Variants in LZTS3 observed in about 807,000 individuals in gnomAD.
The protein encoded by LZTS3 is leucine zipper putative tumor suppressor 3.
Under a neutral mutation model 50.9 loss-of-function variants are expected in LZTS3, and 16 were observed. The observed-to-expected ratio is 0.31, with a 90% CI of 0.21 to 0.48. LZTS3 has a LOEUF of 0.48. Among genes scored for constraint, LZTS3 ranks in the 20% least tolerant of loss-of-function variants. The pLI is 0.99. For synonymous variants in LZTS3, 408 were observed against 410.6 expected, an observed-to-expected ratio of 0.99 and a Z score of 0.08; for missense variants, 816 against 931.0, an observed-to-expected ratio of 0.88 and a Z score of 1.61.
chr20:3,166,483 G>T lies in LZTS3; in HGVS notation c.460-123C>A, dbSNP rs1285034471. On this transcript the variant is annotated intron_variant, in intron 3 of 4. Coordinates refer to ENST00000337576, the MANE Select transcript of LZTS3 (RefSeq NM_001365618.1). Reference sequence around the variant, plus strand: ...ACCCCTACTGGATTTCCACCCTGAGGTTCCCCATCCGGGGTTCTACCTCAT... The same window carrying T: ...ACCCCTACTGGATTTCCACCCTGAGTTTCCCCATCCGGGGTTCTACCTCAT... The T allele has an allele frequency of 3.8e-6, 5 of 1,307,710 alleles. No individual in the cohort carries two copies. The Admixed American group carries it at 1.4e-4, about 36-fold the overall frequency. 81.0% of individuals were successfully genotyped at this position (1,307,710 alleles called of 1,614,324 possible).
At chr20:3,172,840 G>A (rs375288883) in intron 1 of LZTS3, among the ~76,000 whole-genome samples, 1 of 152,210 alleles carries the variant, frequency 6.6e-6, no homozygotes. Context: ...GGCACTGCAG[G>A]GCTTTTGGGG....
chr20:3,170,877 C>A (rs1364849541), intron 1 of LZTS3, among the ~76,000 whole-genome samples: 1 of 152,176 alleles, frequency 6.6e-6, no homozygotes, highest in African/African-American at 2.4e-5. Context: ...AAAGACATGG[C>A]AGAGTTCCTG....
chr20:3,166,331 G>A lies in LZTS3; in HGVS notation c.489C>T (p.Ala163=). The A allele has an allele frequency of 1.2e-6, 2 of 1,612,204 alleles. No individual in the cohort carries two copies. Among genetic ancestry groups the A allele is most frequent in the Non-Finnish European group, 8.5e-7 (1 of 1,178,972 alleles). ...QCSEPLVRPS[A]FKPVVPKNFH... ...AATTCTTGGGTACGACAGGCTTGAA[G>A]GCCGACGGCCGAACTAGTGGTTCTG... Residue 163 remains alanine, a synonymous_variant, in exon 4 of 5, where the codon GCC becomes GCT. Coordinates refer to ENST00000337576, the MANE Select transcript of LZTS3 (RefSeq NM_001365618.1).
intron 1 of LZTS3, among the ~76,000 whole-genome samples, chr20:3,171,053 G>A (rs1173894209): frequency 6.6e-6 from 1 of 152,158 alleles, no homozygotes; most frequent in East Asian, 1.9e-4. Flanking sequence ...CCAGATACCT[G>A]GATCTGGGCA....
intron 1 of LZTS3, among the ~76,000 whole-genome samples, chr20:3,171,463 T>G (rs1167721157): frequency 6.6e-6 from 1 of 152,094 alleles, no homozygotes; most frequent in African/African-American, 2.4e-5. Context: ...GCCCTGCCCC[T>G]TGTCTCTCCC....
rs1390969700 is a variant in LZTS3, at chr20:3,164,223, C to T, written c.*231G>A. 1 of 446,818 alleles carries T rather than the reference C, an allele frequency of 2.2e-6. No homozygotes were observed. Among genetic ancestry groups the T allele is most frequent in the Non-Finnish European group, 3.9e-6 (1 of 259,496 alleles). The allele number at this position is 446,818 out of a possible 1,614,324, so 27.7% of individuals were successfully genotyped here. On this transcript the variant is annotated 3_prime_UTR_variant, in exon 5 of 5. Transcript: ENST00000337576. ...ACCACCTAGGATTGCCCCCACTCAC[C>T]CTGCCCTCCTCCTATTCCCTCCTTT...
rs775005792 is a variant in LZTS3 at position 3,165,878 on chromosome 20, C to T, written c.942G>A (p.Pro314=). The change falls in exon 4 of 5, where the codon CCG becomes CCA. Residue 314 remains proline (P), a synonymous_variant. Coordinates refer to ENST00000337576, the MANE Select transcript of LZTS3 (RefSeq NM_001365618.1). This position sits in a 1 kb window ranked among gnomAD's most constrained non-coding sequence, Gnocchi z 5.0. ...CCTGGATGAGTGCACTGGGGGAGGG[C>T]GGTGAGCAGGCCGCGAAAGGCAGGC... ...GGGLPFAACS[P]PSPSALIQEL... is the part of the protein sequence containing the mutation. 5.1e-5 allele frequency: 82 copies of T among 1,606,400 alleles called. No individual in the cohort carries two copies. Among genetic ancestry groups the T allele is most frequent in the Non-Finnish European group, 6.4e-5 (75 of 1,179,440 alleles).
At chr20:3,170,962 A>C (rs117246837) in intron 1 of LZTS3, among the ~76,000 whole-genome samples, 2,819 of 152,300 alleles carry the variant, frequency 0.019, 28 homozygotes, top group Middle Eastern at 0.061. Context: ...ACCATGGTAG[A>C]AACCTGTGTG....
Position 3,165,453 on chromosome 20 carries a change from G to C in LZTS3, c.1323+44C>G. 6.7e-7 allele frequency: 1 copy of C among 1,503,688 alleles called. No homozygotes were observed. Among genetic ancestry groups the C allele is most frequent in the Non-Finnish European group, 8.8e-7 (1 of 1,134,326 alleles). 93.1% of individuals were successfully genotyped at this position (1,503,688 alleles called of 1,614,324 possible). A position where few individuals can be genotyped will look rare whatever the true frequency, so the allele number is the denominator to read the frequency against. Reference sequence around the variant, plus strand: ...CAACTGCTCTGGGGTTTCCCAGAGGGACAGAAGGGAGGCAGAGGGGAGGCC... The same window carrying C: ...CAACTGCTCTGGGGTTTCCCAGAGGCACAGAAGGGAGGCAGAGGGGAGGCC... On this transcript the variant is annotated intron_variant, in intron 4 of 4. Transcript: ENST00000337576. The surrounding 1 kb of genome is among the most constrained non-coding windows in gnomAD (Gnocchi z 5.0).
chr20:3,165,393 C>CCA lies in LZTS3; in HGVS notation c.1323+103_1323+104insTG. ...TTTTTGTCCCCCCTGCTCCTTTCAT[C>CCA]CCCCCCCCCATCCCACCGTTATGAT... On this transcript the variant is annotated intron_variant, in intron 4 of 4. Transcript: ENST00000337576. The surrounding 1 kb of genome is among the most constrained non-coding windows in gnomAD (Gnocchi z 5.0). 1 of 560,812 alleles carries CCA rather than the reference C, an allele frequency of 1.8e-6. No individual in the cohort carries two copies. The highest frequency in any genetic ancestry group is 2.4e-6 in the Non-Finnish European group (1 of 418,392). 34.7% of individuals were successfully genotyped at this position (560,812 alleles called of 1,614,324 possible).
Position 3,164,791 on chromosome 20 carries a change from G to T in LZTS3, c.1685C>A (p.Ala562Glu). Reference sequence around the variant, plus strand: ...CGTCCCGCTCTCCCCGCCAGCCTCCGCCTCCCCGTCCACGGAAACCAAGGA... The same window carrying T: ...CGTCCCGCTCTCCCCGCCAGCCTCCTCCTCCCCGTCCACGGAAACCAAGGA... ...AASLVSVDGE[A>E]EAGGESGTRA... Residue 562 changes from alanine to glutamate, a missense_variant, in exon 5 of 5, where the codon GCG becomes GAG. By Grantham distance (107) the Ala-to-Glu change is moderately radical (BLOSUM62 -1). This residue lies in a region of LZTS3 where 700 missense variants were observed against 769.4 expected (regional missense o/e 0.91). Transcript: ENST00000337576. 5.2e-6 allele frequency: 8 copies of T among 1,529,928 alleles called. No homozygotes were observed. Among genetic ancestry groups the T allele is most frequent in the Non-Finnish European group, 6.1e-6 (7 of 1,141,116 alleles). The allele number at this position is 1,529,928 out of a possible 1,614,324, so 94.8% of individuals were successfully genotyped here.
chr20:3,168,594 C>T (rs575167432), intron 1 of LZTS3: 12 of 152,446 alleles, frequency 7.9e-5, no homozygotes, highest in African/African-American at 2.6e-4. Context: ...TACCTGTGCT[C>T]AGGGAGGCCG....
At position 3,162,764 on chromosome 20, in the gene LZTS3, T is replaced by A. The variant is rs1310445236; in HGVS notation, c.*1690A>T. 2 of 152,334 alleles carry A rather than the reference T, an allele frequency of 1.3e-5. No homozygotes were observed. The highest frequency in any genetic ancestry group is 4.8e-5 in the African/African-American group (2 of 41,440). The allele number at this position is 152,334 out of a possible 1,614,324, so 9.4% of individuals were successfully genotyped here. A position where few individuals can be genotyped will look rare whatever the true frequency, so the allele number is the denominator to read the frequency against. On this transcript the variant is annotated 3_prime_UTR_variant, in exon 5 of 5. Coordinates refer to ENST00000337576, the MANE Select transcript of LZTS3 (RefSeq NM_001365618.1). The surrounding 1 kb of genome is among the most constrained non-coding windows in gnomAD (Gnocchi z 5.0). Reference sequence around the variant, plus strand: ...CGTCCCAAAGCTGAGTCTGTTCATATTTTTTTCTATTTTTTTCTTACTAAT... The same window carrying A: ...CGTCCCAAAGCTGAGTCTGTTCATAATTTTTTCTATTTTTTTCTTACTAAT...
In LZTS3 at chr20:3,165,450, A is replaced by G; in HGVS notation, c.1323+47T>C. ...GGGCAACTGCTCTGGGGTTTCCCAG[A>G]GGGACAGAAGGGAGGCAGAGGGGAG... On this transcript the variant is annotated intron_variant, in intron 4 of 4. Coordinates refer to ENST00000337576, the MANE Select transcript of LZTS3 (RefSeq NM_001365618.1). The surrounding 1 kb of genome is among the most constrained non-coding windows in gnomAD (Gnocchi z 5.0). 1 of 1,303,600 alleles carries G rather than the reference A, an allele frequency of 7.7e-7. No individual in the cohort carries two copies. Among genetic ancestry groups the G allele is most frequent in the Non-Finnish European group, 9.8e-7 (1 of 1,016,268 alleles). 80.8% of individuals were successfully genotyped at this position (1,303,600 alleles called of 1,614,324 possible). A position where few individuals can be genotyped will look rare whatever the true frequency, so the allele number is the denominator to read the frequency against.
Position 3,170,486 on chromosome 20 carries a change from C to CAAAAA in LZTS3, c.-242-2530_-242-2526dup, listed in dbSNP as rs397955055. Among the ~76,000 whole-genome samples the CAAAAA allele has an allele frequency of 7.1e-3, 517 of 72,544 alleles. 58 individuals carry two copies. Among genetic ancestry groups the CAAAAA allele is most frequent in the African/African-American group, 0.034 (474 of 13,912 alleles). The allele number at this position is 72,544 out of a possible 152,430, so 47.6% of individuals were successfully genotyped here. On this transcript the variant is annotated intron_variant, in intron 1 of 4. Coordinates refer to ENST00000337576, the MANE Select transcript of LZTS3 (RefSeq NM_001365618.1). ...CCTGGAAGACAGAGCGAGACTACAT[C>CAAAAA]AAAAAAAAAAAAAAAAAAAACAGGT... is the stretch of plus-strand genomic sequence containing the variant.
chr20:3,165,066 G>A lies in LZTS3; in HGVS notation c.1410C>T (p.Ile470=), dbSNP rs1313089143. ...CCCGCAGCTGCGAGCGCAGTCCCAC[G>A]ATCTCACTCAACTTCTGCGACACAT... The part of the protein sequence containing the change: ...QADVSQKLSE[I]VGLRSQLREG... The change falls in exon 5 of 5, where the codon ATC becomes ATT. Residue 470 remains isoleucine, a synonymous_variant. Transcript: ENST00000337576. The surrounding 1 kb of genome is among the most constrained non-coding windows in gnomAD (Gnocchi z 5.0). 1 of 1,587,666 alleles carries A rather than the reference G, an allele frequency of 6.3e-7. No homozygotes were observed. The highest frequency in any genetic ancestry group is 1.1e-5 in the South Asian group (1 of 87,220).
chr20:3,164,922 C>A lies in LZTS3; in HGVS notation c.1554G>T (p.Lys518Asn). 6.5e-7 allele frequency: 1 copy of A among 1,548,950 alleles called. No individual in the cohort carries two copies. Among genetic ancestry groups the A allele is most frequent in the South Asian group, 1.2e-5 (1 of 84,814 alleles). Residue 518 changes from lysine (K) to asparagine (N), a missense_variant, in exon 5 of 5, where the codon AAG (lysine) becomes AAT (asparagine). Transcript: ENST00000337576. Reference sequence around the variant, plus strand: ...CCGGGTCCACGGGGGTCAGCGCCGGCTTGAGGCAGGCGGCAGGCAGCTCGC... The same window carrying A: ...CCGGGTCCACGGGGGTCAGCGCCGGATTGAGGCAGGCGGCAGGCAGCTCGC... ...GEGELPAACLKPALTPVDPAE... is the reference protein window; with the variant it reads ...GEGELPAACLNPALTPVDPAE...
In LZTS3 at chr20:3,162,693, GATATATATTT is replaced by G. The variant is rs1419254007; in HGVS notation, c.*1751_*1760del. ...AAGTCTTTCCATCACATATGGTAGAGATATATATTTATATATATTTATATATAATTTCTTT... is the reference window on the plus strand; with the variant it reads ...AAGTCTTTCCATCACATATGGTAGAGATATATATTTATATATAATTTCTTT... On this transcript the variant is annotated 3_prime_UTR_variant, in exon 5 of 5. Coordinates refer to ENST00000337576, the MANE Select transcript of LZTS3 (RefSeq NM_001365618.1). This position sits in a 1 kb window ranked among gnomAD's most constrained non-coding sequence, Gnocchi z 5.0. 5.9e-5 allele frequency: 9 copies of G among 152,296 alleles called. No individual in the cohort carries two copies. The highest frequency in any genetic ancestry group is 2.1e-4 in the South Asian group (1 of 4,832). The allele number at this position is 152,296 out of a possible 1,614,324, so 9.4% of individuals were successfully genotyped here. A position where few individuals can be genotyped will look rare whatever the true frequency, so the allele number is the denominator to read the frequency against.
Position 3,166,163 on chromosome 20 carries a change from T to C in LZTS3, c.657A>G (p.Ser219=), listed in dbSNP as rs1946700265. The change falls in exon 4 of 5, where the codon TCA becomes TCG. Residue 219 remains serine, a synonymous_variant. Transcript: ENST00000337576. The part of the protein sequence containing the change: ...AGGSGSGLSD[S]GRNSLTSLPT... ...GCAGGCTTGTGAGGGAGTTCCGGCC[T>C]GAGTCTGAGAGGCCACTCCCACTCC... The C allele has an allele frequency of 1.2e-6, 2 of 1,613,760 alleles. No homozygotes were observed. The highest frequency in any genetic ancestry group is 1.7e-6 in the Non-Finnish European group (2 of 1,179,904).
Sources: gnomAD v4.1 joint callset for allele counts (sites outside exome capture counted in the v4.1 genomes callset) on GRCh38, gnomAD v4.1.1 for gene constraint, gnomAD v4.1.1 regional missense constraint, Gnocchi (gnomAD v3.1) non-coding constraint, MANE v1.5 for transcripts, NCBI Gene and HGNC (gene_info 2026-07-23, HGNC 2026-07-21) for gene names.